The following IL3RA variants were observed in gnomAD, a reference collection of about 807,000 sequenced individuals.
The protein encoded by IL3RA is interleukin-3 receptor subunit alpha.
Under a neutral mutation model 52.3 loss-of-function variants are expected in IL3RA, and 73 were observed. That is an observed-to-expected ratio of 1.40 (90% CI 1.16 to 1.70). The LOEUF is 1.70. IL3RA is among the 40% of genes most tolerant of loss of function. IL3RA has a pLI of 0.00. For synonymous variants in IL3RA, 260 were observed against 194.0 expected (o/e 1.34, Z -2.83); for missense variants, 664 against 504.4 (o/e 1.32, Z -3.03).
intron 10 of IL3RA, 41 bp from the exon 11 acceptor site, chrX:1,380,982 G>T (rs369783322): frequency 6.5e-7 from 1 of 1,530,306 alleles, no homozygotes; most frequent in East Asian, 2.2e-5. Flanking sequence ...TGAGCTGGTC[G>T]GTTTTGGGTT....
At chrX:1,359,046 T>C (rs1295712679) in intron 8 of IL3RA, among the ~76,000 whole-genome samples, 159 bp downstream of exon 8, 3 of 152,086 alleles carry the variant, frequency 2.0e-5, no homozygotes, top group African/African-American at 7.2e-5. Context: ...TCAGTGACTT[T>C]CATTGGACAG....
At chrX:1,351,929 T>C (rs1315529920) in intron 4 of IL3RA, among the ~76,000 whole-genome samples, 171 bp from the exon 5 acceptor site, 1 of 149,898 alleles carries the variant, frequency 6.7e-6, no homozygotes, top group Non-Finnish European at 1.5e-5. Context: ...CAGACACAGC[T>C]AATTTTTGCA....
intron 9 of IL3RA, among the ~76,000 whole-genome samples, chrX:1,368,052 G>T (rs186998504): frequency 3.9e-5 from 6 of 152,248 alleles, no homozygotes; most frequent in Admixed American, 2.0e-4. Flanking sequence ...AAGGTCAGGA[G>T]ATCGAGACCA....
At chrX:1,344,303 A>G (rs28842887) in intron 2 of IL3RA, among the ~76,000 whole-genome samples, 335 of 149,784 alleles carry the variant, frequency 2.2e-3, no homozygotes, top group African/African-American at 4.6e-3. Flanking sequence ...GTGTGGTGGC[A>G]GGCACCTGTT....
In IL3RA at chrX:1,365,132, C is replaced by T. The variant is rs773862752; in HGVS notation, c.760-6C>T. The T allele has an allele frequency of 4.5e-5, 72 of 1,601,000 alleles. No homozygotes were observed. The highest frequency in any genetic ancestry group is 6.7e-5 in the Admixed American group (4 of 59,850). On this transcript the variant is annotated splice_region_variant and splice_polypyrimidine_tract_variant and intron_variant, in intron 8 of 11. Coordinates refer to ENST00000331035, the MANE Select transcript of IL3RA (RefSeq NM_002183.4). The stretch of plus-strand genomic sequence containing the variant: ...CCCCTCTTCTTTATTTTCTTTCAAA[C>T]CACAGGTCAGAGACAGAACCTCCTT...
At chrX:1,351,350 C>T (rs750607705) in intron 4 of IL3RA, among the ~76,000 whole-genome samples, 27 of 151,754 alleles carry the variant, frequency 1.8e-4, no homozygotes, top group South Asian at 6.2e-4. Flanking sequence ...TTTTTTGAGA[C>T]GGAGTCTCGC....
At chrX:1,355,458 T>TAGGAGGAGGGGGAGGAGG (rs1569523216) in intron 6 of IL3RA, among the ~76,000 whole-genome samples, 6 of 17,512 alleles carry the variant, frequency 3.4e-4, no homozygotes, top group Non-Finnish European at 1.2e-4. Flanking sequence ...ACCAGGAGGG[T>TAGGAGGAGGGGGAGGAGG]AGGAGGAGGG....
chrX:1,348,481 G>C lies in IL3RA; in HGVS notation c.234G>C (p.Val78=). 1.2e-6 allele frequency: 2 copies of C among 1,613,928 alleles called. No individual in the cohort carries two copies. The highest frequency in any genetic ancestry group is 8.5e-7 in the Non-Finnish European group (1 of 1,179,864). The change falls in exon 4 of 12, where the codon GTG becomes GTC. Residue 78 remains valine, a synonymous_variant. Transcript: ENST00000331035. ...TTGGAGCAATTTCCTTATGTGAAGTGACCAACTACACCGTCCGAGTGGCCA... is the reference window on the plus strand; with the variant it reads ...TTGGAGCAATTTCCTTATGTGAAGTCACCAACTACACCGTCCGAGTGGCCA... ...CQFGAISLCE[V]TNYTVRVANP...
chrX:1,348,424 C>G lies in IL3RA; in HGVS notation c.184-7C>G, dbSNP rs148113994. The G allele has an allele frequency of 9.7e-4, 1,555 of 1,599,742 alleles. 20 individuals are homozygous for G. In the African/African-American group the frequency reaches 0.018, roughly 18 times the overall value. On this transcript the variant is annotated splice_region_variant and splice_polypyrimidine_tract_variant and intron_variant, in intron 3 of 11. Transcript: ENST00000331035. ...CAGCAGCCATCATAGTCCTATGTCT[C>G]TCTTAGGCAGTGAACAATAGCTATT...
chrX:1,377,717 G>A (rs1419547815), intron 9 of IL3RA, among the ~76,000 whole-genome samples: 3 of 148,818 alleles, frequency 2.0e-5, no homozygotes, highest in African/African-American at 2.5e-5. Flanking sequence ...CCAGGCTGGA[G>A]GGCAGTGGCG....
At chrX:1,365,529 G>C (rs1439243566) in intron 9 of IL3RA, among the ~76,000 whole-genome samples, 12 of 48,020 alleles carry the variant, frequency 2.5e-4, no homozygotes, top group African/African-American at 2.3e-3. Context: ...CGGGGTGAGC[G>C]GGGTGAGCGG....
chrX:1,348,617 T>G lies in IL3RA; in HGVS notation c.298+72T>G. The G allele has an allele frequency of 4.0e-6, 4 of 993,290 alleles. No individual in the cohort carries two copies. The South Asian group carries it at 5.5e-5, about 14-fold the overall frequency. 61.5% of individuals were successfully genotyped at this position (993,290 alleles called of 1,614,324 possible). On this transcript the variant is annotated intron_variant, in intron 4 of 11. Transcript: ENST00000331035. ...TTCCCTCTCTCCCTCCCTCTCGCCT[T>G]CGCTGTGTCTTTTTTCTTTTCTTTT... is the stretch of plus-strand genomic sequence containing the variant.
intron 8 of IL3RA, among the ~76,000 whole-genome samples, chrX:1,362,747 C>T (rs1191287818): frequency 6.6e-6 from 1 of 151,756 alleles, no homozygotes; most frequent in Non-Finnish European, 1.5e-5. Context: ...ACATGGCCTT[C>T]TCCTCTGCAT....
chrX:1,345,267 T>C, intron 2 of IL3RA, 49 bp from the exon 3 acceptor site: 1 of 1,329,114 alleles, frequency 7.5e-7, no homozygotes, highest in Non-Finnish European at 1.1e-6. Context: ...ACAATGCCGT[T>C]TTAAGATTCT....
At chrX:1,366,393 T>G (rs1356807868) in intron 9 of IL3RA, among the ~76,000 whole-genome samples, 1 of 19,696 alleles carries the variant, frequency 5.1e-5, no homozygotes, top group Non-Finnish European at 8.4e-5. Flanking sequence ...GTGCGCGGGG[T>G]GAGCGGGGTG....
chrX:1,347,638 C>CA (rs1386561968), intron 3 of IL3RA, among the ~76,000 whole-genome samples: 4 of 150,508 alleles, frequency 2.7e-5, no homozygotes, highest in Non-Finnish European at 5.9e-5. Context: ...AACAAAGAAA[C>CA]AAAAAACAAA....
In IL3RA at chrX:1,382,372, C is replaced by T; in HGVS notation, c.1063-19C>T. The T allele has an allele frequency of 6.2e-7, 1 of 1,611,372 alleles. No individual in the cohort carries two copies. Among genetic ancestry groups the T allele is most frequent in the Non-Finnish European group, 8.5e-7 (1 of 1,177,850 alleles). On this transcript the variant is annotated intron_variant, in intron 11 of 11. Transcript: ENST00000331035. ...TCTGGGGGGTGGCCGACTCACCCTG[C>T]CTCCTCTCGTCTCTGCAGGTGGTCT...
chrX:1,359,429 G>A (rs1303576211), intron 8 of IL3RA, among the ~76,000 whole-genome samples: 4 of 151,692 alleles, frequency 2.6e-5, no homozygotes, highest in African/African-American at 4.8e-5. Context: ...CTCTTTCCCC[G>A]TATCTCTTTC....
At chrX:1,377,105 CG>C (rs1807397317) in intron 9 of IL3RA, among the ~76,000 whole-genome samples, 1 of 141,482 alleles carries the variant, frequency 7.1e-6, no homozygotes, top group African/African-American at 2.5e-5. Context: ...CTGTGGGACA[CG>C]GAGAAGACGG....
Sources: allele counts gnomAD v4.1 joint callset (sites outside exome capture counted in the v4.1 genomes callset), GRCh38; gene constraint gnomAD v4.1.1; transcripts MANE v1.5; gene names NCBI Gene and HGNC (gene_info 2026-07-23, HGNC 2026-07-21).